ADGRF5: variants seen among roughly 807,000 people sequenced by gnomAD.
ADGRF5 encodes the protein G-protein coupled receptor 116.
In ADGRF5, 75 loss-of-function variants were observed where a neutral mutation model predicts 132.3. That is an observed-to-expected ratio of 0.57 (90% CI 0.47 to 0.69). ADGRF5 has a LOEUF of 0.69. Ranked by LOEUF, ADGRF5 falls within the 30% of genes least tolerant of loss-of-function variation. The pLI, the probability that ADGRF5 is intolerant of heterozygous loss-of-function variation, is 0.00. For missense variants in ADGRF5, 1,516 were observed against 1,630.6 expected, an observed-to-expected ratio of 0.93 and a Z score of 1.21; for synonymous variants, 629 against 597.6, an observed-to-expected ratio of 1.05 and a Z score of -0.77.
upstream of ADGRF5, among the ~76,000 whole-genome samples, chr6:46,924,063 AG>A (rs1719198527): frequency 2.0e-5 from 3 of 152,198 alleles, no homozygotes; most frequent in Admixed American, 2.0e-4. Context: ...CTACTTTCTC[AG>A]GAAGAAATTT....
At chr6:46,940,590 A>C (rs1199946968) in intron 1 of ADGRF5, among the ~76,000 whole-genome samples, 2 of 152,230 alleles carry the variant, frequency 1.3e-5, no homozygotes, top group African/African-American at 4.8e-5. Flanking sequence ...ACTCAGATTC[A>C]GACCATTCTA....
At chr6:46,884,340 C>A (rs1256898040) in intron 4 of ADGRF5, 69 bp from the exon 5 acceptor site, 1 of 1,225,342 alleles carries the variant, frequency 8.2e-7, no homozygotes, top group South Asian at 1.4e-5. Context: ...TATTTATAGC[C>A]TGCAGGTATT....
chr6:46,866,560 C>T (rs1770463177), intron 13 of ADGRF5, among the ~76,000 whole-genome samples: 1 of 151,906 alleles, frequency 6.6e-6, no homozygotes, highest in South Asian at 2.1e-4. Context: ...TTCTTACATG[C>T]TCAATTATGC....
intron 3 of ADGRF5, among the ~76,000 whole-genome samples, chr6:46,897,606 G>C (rs149342987): frequency 6.6e-6 from 1 of 152,064 alleles, no homozygotes; most frequent in South Asian, 2.1e-4. Flanking sequence ...ATGGAGTCTC[G>C]CGCTGTCGCC....
chr6:46,933,264 C>A (rs1462976395), intron 1 of ADGRF5, among the ~76,000 whole-genome samples: 2 of 152,134 alleles, frequency 1.3e-5, no homozygotes, highest in Admixed American at 1.3e-4. Context: ...TGTAGTGAAT[C>A]GTTTTTAAAG....
intron 11 of ADGRF5, among the ~76,000 whole-genome samples, chr6:46,870,468 T>G (rs1373750496): frequency 1.3e-5 from 2 of 152,160 alleles, no homozygotes; most frequent in African/African-American, 4.8e-5. Flanking sequence ...CCTAAAAATC[T>G]TATTCTTAAT....
intron 9 of ADGRF5, among the ~76,000 whole-genome samples, chr6:46,879,464 A>G (rs1247613885): frequency 6.6e-6 from 1 of 152,014 alleles, no homozygotes; most frequent in Non-Finnish European, 1.5e-5. Flanking sequence ...CAGATGTTTG[A>G]CAATTCCCCA....
chr6:46,881,725 G>T (rs1220478924), intron 7 of ADGRF5, 128 bp from the exon 8 acceptor site: 2 of 731,632 alleles, frequency 2.7e-6, no homozygotes, highest in African/African-American at 1.8e-5. Flanking sequence ...CTATGGATCT[G>T]ACTGGCCAGC....
chr6:46,921,416 G>T (rs1289985341), intron 1 of ADGRF5, among the ~76,000 whole-genome samples: 1 of 118,074 alleles, frequency 8.5e-6, no homozygotes, highest in African/African-American at 2.7e-5. Context: ...AAGGACGAGA[G>T]AACTTGTTTG....
chr6:46,943,430 C>T (rs1383904764), intron 1 of ADGRF5, among the ~76,000 whole-genome samples: 1 of 152,184 alleles, frequency 6.6e-6, no homozygotes, highest in Non-Finnish European at 1.5e-5. Flanking sequence ...AGAATACTAT[C>T]TTAATGCTGG....
chr6:46,907,030 G>T (rs528135963), intron 1 of ADGRF5, among the ~76,000 whole-genome samples: 47 of 152,296 alleles, frequency 3.1e-4, no homozygotes, highest in African/African-American at 8.9e-4. Context: ...TAGGACAAAG[G>T]TAGCAGATGT....
chr6:46,913,509 A>AAG (rs1776151747), intron 1 of ADGRF5, among the ~76,000 whole-genome samples: 1 of 152,090 alleles, frequency 6.6e-6, no homozygotes, highest in Admixed American at 6.6e-5. Flanking sequence ...CAAAAAAAAA[A>AAG]AAGAAGAAGA....
At chr6:46,927,476 G>GC (rs1416287334) in intron 1 of ADGRF5, among the ~76,000 whole-genome samples, 2 of 152,020 alleles carry the variant, frequency 1.3e-5, no homozygotes, top group Non-Finnish European at 2.9e-5. Context: ...TGAACCCCCA[G>GC]CCCCCACCAA....
At chr6:46,929,604 G>A (rs1278820989) in intron 1 of ADGRF5, among the ~76,000 whole-genome samples, 1 of 151,474 alleles carries the variant, frequency 6.6e-6, no homozygotes, top group Admixed American at 6.6e-5. Flanking sequence ...GTACAGGTGG[G>A]GTAGTTATCC....
At chr6:46,895,899 G>C (rs1245731681) in intron 3 of ADGRF5, among the ~76,000 whole-genome samples, 1 of 151,802 alleles carries the variant, frequency 6.6e-6, no homozygotes, top group African/African-American at 2.4e-5. Flanking sequence ...TCCAACTCTG[G>C]TCTCTACCTG....
At chr6:46,897,670 G>A (rs888147057) in intron 3 of ADGRF5, among the ~76,000 whole-genome samples, 2 of 152,180 alleles carry the variant, frequency 1.3e-5, no homozygotes, top group African/African-American at 2.4e-5. Context: ...CGCCTCCCGG[G>A]TTCAAGCGAT....
At position 46,863,045 on chromosome 6, in the gene ADGRF5, T is replaced by A; in HGVS notation, c.2042A>T (p.Lys681Ile). Residue 681 changes from lysine to isoleucine, a missense_variant, in exon 15 of 21, where the codon AAA becomes ATA. Around this residue, in one of 2 missense-constraint regions of ADGRF5, gnomAD observed 945 missense variants for 929.4 expected, o/e 1.02. Transcript: ENST00000283296. ...GAACCGGCATAGCTTCTGGATGACT[T>A]TCCCCGGCTCTCCGACACCTATTAC... ...DPVIGVGEPG[K>I]VIQKLCRFSN... 1.2e-6 allele frequency: 2 copies of A among 1,614,038 alleles called. No homozygotes were observed. The highest frequency in any genetic ancestry group is 1.7e-6 in the Non-Finnish European group (2 of 1,179,972).
At position 46,867,147 on chromosome 6, in the gene ADGRF5, A is replaced by C. The variant is rs1249418748; in HGVS notation, c.1622-10T>G. ...ATGCAGTGATAGGTTCCTGAGTAGA[A>C]GACGGCAAAAATGAGATGGAATGGA... On this transcript the variant is annotated splice_polypyrimidine_tract_variant and intron_variant, in intron 12 of 20. Coordinates refer to ENST00000283296, the MANE Select transcript of ADGRF5 (RefSeq NM_001098518.2). 1 of 1,454,804 alleles carries C rather than the reference A, an allele frequency of 6.9e-7. No homozygotes were observed. The highest frequency in any genetic ancestry group is 1.2e-5 in the South Asian group (1 of 86,324). 90.1% of individuals were successfully genotyped at this position (1,454,804 alleles called of 1,614,324 possible). A position where few individuals can be genotyped will look rare whatever the true frequency, so the allele number is the denominator to read the frequency against.
chr6:46,901,983 TG>T (rs558179894), intron 2 of ADGRF5, among the ~76,000 whole-genome samples: 62 of 152,260 alleles, frequency 4.1e-4, no homozygotes, highest in Middle Eastern at 3.4e-3. Flanking sequence ...CAATAGGAAA[TG>T]GGGAGCGACT....
Sources: gnomAD v4.1 joint callset for allele counts (sites outside exome capture counted in the v4.1 genomes callset) on GRCh38, gnomAD v4.1.1 for gene constraint, gnomAD v4.1.1 regional missense constraint, MANE v1.5 for transcripts, NCBI Gene and HGNC (gene_info 2026-07-23, HGNC 2026-07-21) for gene names.